Variants in OPA1 observed in about 807,000 individuals in gnomAD.
The protein encoded by OPA1 is dynamin-like GTPase OPA1, mitochondrial.
In OPA1, 59 loss-of-function variants were observed where a neutral mutation model predicts 152.9. That is an observed-to-expected ratio of 0.39 (90% CI 0.31 to 0.48). OPA1 has a LOEUF of 0.48. OPA1 is among the 20% of genes least tolerant of loss of function. The probability of loss-of-function intolerance (pLI) is 0.96; values close to 1 mark genes in which losing one functional copy is unlikely to be tolerated. For missense variants in OPA1, 1,008 were observed against 1,216.8 expected, an observed-to-expected ratio of 0.83 and a Z score of 2.55; for synonymous variants, 400 against 389.9, an observed-to-expected ratio of 1.03 and a Z score of -0.31.
rs766448341 is a variant in OPA1, at chr3:193,688,449, C to CTTTTTTTTTTTT, written c.2984-3578_2984-3567dup. Among the ~76,000 whole-genome samples, 26 of 63,344 alleles carry CTTTTTTTTTTTT rather than the reference C, an allele frequency of 4.1e-4. 1 individual carries two copies. Among genetic ancestry groups the CTTTTTTTTTTTT allele is most frequent in the South Asian group, 5.8e-4 (1 of 1,728 alleles). 41.6% of individuals were successfully genotyped at this position (63,344 alleles called of 152,430 possible). A position where few individuals can be genotyped will look rare whatever the true frequency, so the allele number is the denominator to read the frequency against. On this transcript the variant is annotated intron_variant, in intron 29 of 30. Transcript: ENST00000361510. Reference sequence around the variant, plus strand: ...TGATTTTTACTGAAATGGGTCTTTTCTTTTTTTTTTTTTTTTTTTTTTTTT... The same window carrying CTTTTTTTTTTTT: ...TGATTTTTACTGAAATGGGTCTTTTCTTTTTTTTTTTTTTTTTTTTTTTTTTTTTTTTTTTTT...
rs1244800292 is a variant in OPA1 at position 193,676,506 on chromosome 3, A to T, written c.2983+9226A>T. On this transcript the variant is annotated intron_variant, in intron 29 of 30. Transcript: ENST00000361510. ...AACAAACAAAAAAACCTGAGTTGAT[A>T]CAAAGATAAAGTAATCCTCAAGGAA... Among the ~76,000 whole-genome samples, 5 of 152,256 alleles carry T rather than the reference A, an allele frequency of 3.3e-5. No individual in the cohort carries two copies. The South Asian group carries it at 8.3e-4, about 25-fold the overall frequency.
At chr3:193,677,627 G>A (rs2109369672) in intron 29 of OPA1, among the ~76,000 whole-genome samples, 1 of 152,302 alleles carries the variant, frequency 6.6e-6, no homozygotes, top group South Asian at 2.1e-4. Context: ...GTTAAGTACA[G>A]TTCTCCAGGT....
In OPA1 at chr3:193,647,123, G is replaced by T. The variant is rs1131691441; in HGVS notation, c.1813G>T (p.Asp605Tyr). Residue 605 changes from aspartate to tyrosine, a missense_variant, in exon 19 of 31, where the codon GAC becomes TAC. Around this residue, in one of 7 missense-constraint regions of OPA1, gnomAD observed 10 missense variants for 35.8 expected, o/e 0.28. Transcript: ENST00000361510. ...AAGAAATTTAAGCCTTGCAGTATCA[G>T]ACTGCTTTTGGAAAATGGTACGAGA... The part of the protein sequence containing the change: ...TTRNLSLAVS[D>Y]CFWKMVRESV... 2 of 1,613,422 alleles carry T rather than the reference G, an allele frequency of 1.2e-6. No individual in the cohort carries two copies. The highest frequency in any genetic ancestry group is 1.7e-6 in the Non-Finnish European group (2 of 1,179,892).
Position 193,593,549 on chromosome 3 carries a change from G to A in OPA1, c.32+140G>A, listed in dbSNP as rs191501362. 58 of 883,520 alleles carry A rather than the reference G, an allele frequency of 6.6e-5. No individual in the cohort carries two copies. The African/African-American group carries it at 9.2e-4, about 14-fold the overall frequency. The allele number at this position is 883,520 out of a possible 1,614,324, so 54.7% of individuals were successfully genotyped here. ...TGGAGAATTCCCAGATGTTCTTGAG[G>A]ACCCAGAATGACAGGAGCCCTGGCT... On this transcript the variant is annotated intron_variant, in intron 1 of 30. Coordinates refer to ENST00000361510, the MANE Select transcript of OPA1 (RefSeq NM_130837.3).
rs571632534 is a variant in OPA1, at chr3:193,618,672, A to G, written c.611-197A>G. The G allele has an allele frequency of 1.1e-5, 6 of 563,452 alleles. No homozygotes were observed. In the African/African-American group the frequency reaches 1.1e-4, roughly 11 times the overall value. The allele number at this position is 563,452 out of a possible 1,614,324, so 34.9% of individuals were successfully genotyped here. A position where few individuals can be genotyped will look rare whatever the true frequency, so the allele number is the denominator to read the frequency against. Reference sequence around the variant, plus strand: ...AGGTTAAACATATGCTGCGATTGCTATAGTTAGTTTTTTTTTTATTTTCTG... The same window carrying G: ...AGGTTAAACATATGCTGCGATTGCTGTAGTTAGTTTTTTTTTTATTTTCTG... On this transcript the variant is annotated intron_variant, in intron 5 of 30. Coordinates refer to ENST00000361510, the MANE Select transcript of OPA1 (RefSeq NM_130837.3).
At chr3:193,669,144 A>AT (rs1440318323) in intron 29 of OPA1, among the ~76,000 whole-genome samples, 18 of 152,264 alleles carry the variant, frequency 1.2e-4, no homozygotes, top group African/African-American at 4.3e-4. Flanking sequence ...AGTACAATCC[A>AT]TAGGGTTATC....
intron 18 of OPA1, 103 bp downstream of exon 18, chr3:193,645,903 A>G: frequency 1.1e-6 from 1 of 949,954 alleles, no homozygotes; most frequent in African/African-American, 1.7e-5. Context: ...TTAGTTTAAC[A>G]TCGGATTTCT....
chr3:193,596,806 G>C (rs9856156), intron 1 of OPA1: 1 of 152,012 alleles, frequency 6.6e-6, no homozygotes, highest in Admixed American at 6.5e-5. Context: ...GCAGCTGTAC[G>C]TTGACAGTTG....
chr3:193,676,387 A>G (rs747054331), intron 29 of OPA1, among the ~76,000 whole-genome samples: 55 of 152,202 alleles, frequency 3.6e-4, no homozygotes, highest in Middle Eastern at 3.2e-3. Flanking sequence ...AAGGCAGTTA[A>G]CACATTAAAG....
At chr3:193,677,457 T>G (rs1349473571) in intron 29 of OPA1, among the ~76,000 whole-genome samples, 1 of 152,146 alleles carries the variant, frequency 6.6e-6, no homozygotes, top group Non-Finnish European at 1.5e-5. Flanking sequence ...TTTTAAATTA[T>G]GTTTTTGCAT....
intron 23 of OPA1, 101 bp from the exon 24 acceptor site, chr3:193,658,786 A>C: frequency 3.7e-6 from 3 of 804,710 alleles, no homozygotes; most frequent in Non-Finnish European, 6.6e-6. Flanking sequence ...GTTTATATAC[A>C]TGGTTATTTT....
chr3:193,597,857 G>A (rs973244914), intron 1 of OPA1, among the ~76,000 whole-genome samples: 2 of 151,810 alleles, frequency 1.3e-5, no homozygotes, highest in African/African-American at 2.4e-5. Flanking sequence ...AGGGAGGGTC[G>A]CTTGAGCTCA....
At chr3:193,693,108 T>C (rs377359013) in intron 30 of OPA1, among the ~76,000 whole-genome samples, 3 of 151,732 alleles carry the variant, frequency 2.0e-5, no homozygotes, top group African/African-American at 7.3e-5. Flanking sequence ...CTAGAAGGAG[T>C]AGAAATGTAA....
chr3:193,644,143 G>A (rs367805184), intron 16 of OPA1, 38 bp downstream of exon 16: 2 of 1,609,600 alleles, frequency 1.2e-6, no homozygotes, highest in Non-Finnish European at 1.7e-6. Context: ...TAGATTCTTT[G>A]TAAAAGCTCC....
At position 193,697,461 on chromosome 3, in the gene OPA1, A is replaced by G. The variant is rs1456505503; in HGVS notation, c.*2861A>G. 6.6e-6 allele frequency: 1 copy of G among 152,196 alleles called. No homozygotes were observed. The allele number at this position is 152,196 out of a possible 1,614,324, so 9.4% of individuals were successfully genotyped here. A position where few individuals can be genotyped will look rare whatever the true frequency, so the allele number is the denominator to read the frequency against. Reference sequence around the variant, plus strand: ...TTACGTGTAGATATTATTGCAACTTATATTTTGCCTGAGCTTGATCAAAGG... The same window carrying G: ...TTACGTGTAGATATTATTGCAACTTGTATTTTGCCTGAGCTTGATCAAAGG... On this transcript the variant is annotated 3_prime_UTR_variant, in exon 31 of 31. Transcript: ENST00000361510.
Position 193,655,010 on chromosome 3 carries a change from C to A in OPA1, c.2161C>A (p.Pro721Thr). The A allele has an allele frequency of 6.2e-7, 1 of 1,613,766 alleles. No homozygotes were observed. The highest frequency in any genetic ancestry group is 8.5e-7 in the Non-Finnish European group (1 of 1,179,856). ...KLKQWTDKQL[P>T]NKAVEVAWET... ...TAAACAGTGGACTGATAAACAACTT[C>A]CTAATAAAGCAGTAGAGGTTAGGAT... is the stretch of plus-strand genomic sequence containing the variant. Residue 721 changes from proline to threonine, a missense_variant, in exon 22 of 31, where the codon CCT becomes ACT. Coordinates refer to ENST00000361510, the MANE Select transcript of OPA1 (RefSeq NM_130837.3).
intron 29 of OPA1, among the ~76,000 whole-genome samples, chr3:193,681,777 G>C (rs949495750): frequency 6.6e-6 from 1 of 150,672 alleles, no homozygotes; most frequent in Admixed American, 6.7e-5. Context: ...GCTATTTTGG[G>C]TACCACTAAC....
chr3:193,697,553 C>T lies in OPA1; in HGVS notation c.*2953C>T, dbSNP rs1722355435. 6.6e-6 allele frequency: 1 copy of T among 152,082 alleles called. No homozygotes were observed. The highest frequency in any genetic ancestry group is 6.5e-5 in the Admixed American group (1 of 15,270). The allele number at this position is 152,082 out of a possible 1,614,324, so 9.4% of individuals were successfully genotyped here. ...TTATAATTCTATTATTGGAGAGCAT[C>T]TTTTAAATTTTTTTCTGTTTTAACG... On this transcript the variant is annotated 3_prime_UTR_variant, in exon 31 of 31. Coordinates refer to ENST00000361510, the MANE Select transcript of OPA1 (RefSeq NM_130837.3).
intron 5 of OPA1, 190 bp from the exon 6 acceptor site, chr3:193,618,679 G>GTTT: frequency 1.9e-6 from 1 of 527,616 alleles, no homozygotes; most frequent in Non-Finnish European, 3.4e-6. Context: ...GCTATAGTTA[G>GTTT]TTTTTTTTTT....
Sources: gnomAD v4.1 joint callset for allele counts (sites outside exome capture counted in the v4.1 genomes callset) on GRCh38, gnomAD v4.1.1 for gene constraint, gnomAD v4.1.1 regional missense constraint, MANE v1.5 for transcripts, NCBI Gene and HGNC (gene_info 2026-07-23, HGNC 2026-07-21) for gene names.